Variants in AGBL3 observed in about 807,000 individuals in gnomAD.
AGBL3 encodes the protein cytosolic carboxypeptidase 3.
AGBL3 carries 68 observed loss-of-function variants against 94.5 expected under a neutral mutation model. The observed-to-expected ratio is 0.72, with a 90% CI of 0.59 to 0.88. AGBL3 has a LOEUF of 0.88. Among genes scored for constraint, AGBL3 ranks in the 40% least tolerant of loss-of-function variants. The probability of loss-of-function intolerance (pLI) is 0.00; values close to 1 mark genes in which losing one functional copy is unlikely to be tolerated. For synonymous variants in AGBL3, 354 were observed against 370.7 expected (o/e 0.95, Z 0.52); for missense variants, 934 against 1,103.8 (o/e 0.85, Z 2.18).
At chr7:135,060,553 T>C (rs984671447) in intron 12 of AGBL3, among the ~76,000 whole-genome samples, 7 of 152,122 alleles carry the variant, frequency 4.6e-5, no homozygotes, top group African/African-American at 7.2e-5. Context: ...GCTCAACCCA[T>C]ACCCCTTCAC....
chr7:135,018,088 A>T (rs2116236980), intron 5 of AGBL3, among the ~76,000 whole-genome samples: 1 of 152,312 alleles, frequency 6.6e-6, no homozygotes, highest in Non-Finnish European at 1.5e-5. Flanking sequence ...AATGAATTTT[A>T]AAAAGGGTAG....
intron 12 of AGBL3, among the ~76,000 whole-genome samples, chr7:135,069,467 A>T (rs1432228305): frequency 2.0e-5 from 3 of 152,204 alleles, no homozygotes; most frequent in African/African-American, 2.4e-5. Context: ...TTGACCACAT[A>T]GTTGGAAGTA....
At position 135,059,057 on chromosome 7, in the gene AGBL3, A is replaced by T. The variant is rs542814782; in HGVS notation, c.1842-112A>T. On this transcript the variant is annotated intron_variant, in intron 11 of 16. Transcript: ENST00000436302. The stretch of plus-strand genomic sequence containing the variant: ...CAGGCATGAGTCACTGCGCCCGGCC[A>T]CTTCTTATAATTAGAACTTTTCAAC... The T allele has an allele frequency of 3.5e-4, 304 of 858,330 alleles. 4 individuals are homozygous for T. In the African/African-American group the frequency reaches 4.5e-3, roughly 13 times the overall value. The allele number at this position is 858,330 out of a possible 1,614,324, so 53.2% of individuals were successfully genotyped here.
chr7:135,011,057 G>C (rs896080533), intron 4 of AGBL3: 2 of 152,088 alleles, frequency 1.3e-5, no homozygotes, highest in African/African-American at 4.8e-5. Context: ...CCTTAATAAA[G>C]TTATAGTAAT....
chr7:135,104,562 C>T (rs953417576), intron 15 of AGBL3, among the ~76,000 whole-genome samples: 2 of 152,090 alleles, frequency 1.3e-5, no homozygotes, highest in African/African-American at 4.8e-5. Flanking sequence ...TATAAGATTC[C>T]CTTTTTTCTG....
intron 16 of AGBL3, among the ~76,000 whole-genome samples, chr7:135,124,731 A>G (rs1258053232): frequency 6.6e-6 from 1 of 152,262 alleles, no homozygotes; most frequent in Non-Finnish European, 1.5e-5. Flanking sequence ...ATTACAACTC[A>G]GGATTAAAAA....
chr7:135,115,693 C>G, intron 16 of AGBL3, 82 bp downstream of exon 16: 1 of 1,176,896 alleles, frequency 8.5e-7, no homozygotes, highest in Non-Finnish European at 1.2e-6. Context: ...TATTATCCTA[C>G]GAAAAAAAAA....
intron 12 of AGBL3, among the ~76,000 whole-genome samples, chr7:135,064,797 C>G (rs1048532214): frequency 3.9e-5 from 6 of 152,144 alleles, no homozygotes; most frequent in Admixed American, 2.6e-4. Context: ...TATTAGGACT[C>G]TCTCCATTGC....
At chr7:135,011,840 C>G (rs1813198468) in intron 4 of AGBL3, 1 of 152,120 alleles carries the variant, frequency 6.6e-6, no homozygotes, top group Non-Finnish European at 1.5e-5. Flanking sequence ...TTGGTATAAT[C>G]ATTTTGGATG....
chr7:134,996,285 A>C (rs1249194166), intron 4 of AGBL3, among the ~76,000 whole-genome samples: 1 of 152,288 alleles, frequency 6.6e-6, no homozygotes, highest in Admixed American at 6.5e-5. Context: ...CCTCAAGGCA[A>C]AAGTTCCCAT....
chr7:135,017,080 GTA>G lies in AGBL3; in HGVS notation c.343_344del (p.Ile115ProfsTer23). Reference protein sequence around the residue: ...DWTPSCPEPVYIPTGLETEPL... With the variant: ...DWTPSCPEPVXIPTGLETEPL... ...GGACTCCTTCTTGTCCTGAGCCAGT[GTA>G]TATCCCAACGGGCTTAGAAACGGAA... is the stretch of plus-strand genomic sequence containing the variant. On this transcript the variant is annotated frameshift_variant, in exon 5 of 17. Transcript: ENST00000436302. LOFTEE classifies it high-confidence loss of function. 6.5e-7 allele frequency: 1 copy of G among 1,549,912 alleles called. No homozygotes were observed. Among genetic ancestry groups the G allele is most frequent in the Non-Finnish European group, 8.7e-7 (1 of 1,145,160 alleles).
At chr7:135,021,147 GACACTTC>G (rs1198652242) in intron 5 of AGBL3, among the ~76,000 whole-genome samples, 1 of 151,812 alleles carries the variant, frequency 6.6e-6, no homozygotes, top group African/African-American at 2.4e-5. Context: ...TCTATTTCTA[GACACTTC>G]ATTCTGTTCC....
At chr7:135,104,685 T>C (rs1357882176) in intron 15 of AGBL3, among the ~76,000 whole-genome samples, 6 of 152,224 alleles carry the variant, frequency 3.9e-5, no homozygotes, top group African/African-American at 7.2e-5. Flanking sequence ...ATCAGTGATA[T>C]TGAGCTTTAT....
At chr7:135,122,635 G>A (rs2117255702) in intron 16 of AGBL3, among the ~76,000 whole-genome samples, 1 of 152,284 alleles carries the variant, frequency 6.6e-6, no homozygotes, top group African/African-American at 2.4e-5. Context: ...AATACTGCTG[G>A]CATCAGGCTG....
At chr7:135,032,776 C>T (rs1815904544) in intron 5 of AGBL3, 68 bp from the exon 6 acceptor site, 4 of 1,409,226 alleles carry the variant, frequency 2.8e-6, no homozygotes, top group African/African-American at 2.9e-5. Context: ...TTGCTCCAAA[C>T]TCTGTGCAGA....
rs1023024910 is a variant in AGBL3 at position 135,135,638 on chromosome 7, T to C, written c.*377T>C. ...TGATTTTAACCTCCCTACTAGACAC[T>C]TTAATCAATTAGTCAACAAACATCA... On this transcript the variant is annotated 3_prime_UTR_variant, in exon 17 of 17. Transcript: ENST00000436302. 3 of 158,508 alleles carry C rather than the reference T, an allele frequency of 1.9e-5. No homozygotes were observed. Among genetic ancestry groups the C allele is most frequent in the Admixed American group, 6.3e-5 (1 of 15,812 alleles). The allele number at this position is 158,508 out of a possible 1,614,324, so 9.8% of individuals were successfully genotyped here. A position where few individuals can be genotyped will look rare whatever the true frequency, so the allele number is the denominator to read the frequency against.
intron 5 of AGBL3, among the ~76,000 whole-genome samples, chr7:135,030,976 G>C (rs1166383493): frequency 6.6e-6 from 1 of 151,846 alleles, no homozygotes; most frequent in Non-Finnish European, 1.5e-5. Context: ...AGTTATTGTA[G>C]TTTTATTTCT....
Position 135,005,548 on chromosome 7 carries a change from T to C in AGBL3, c.311-11504T>C, listed in dbSNP as rs561636131. Among the ~76,000 whole-genome samples the C allele has an allele frequency of 3.2e-4, 48 of 151,922 alleles. 1 individual carries two copies. Among genetic ancestry groups the C allele is most frequent in the African/African-American group, 1.1e-3 (44 of 41,538 alleles). On this transcript the variant is annotated intron_variant, in intron 4 of 16. Coordinates refer to ENST00000436302, the MANE Select transcript of AGBL3 (RefSeq NM_178563.4). ...ATGTCAACTCTCCCCAGTTGACATA[T>C]AGGTTTCAAGAAATTCCTATCAGGA...
intron 4 of AGBL3, among the ~76,000 whole-genome samples, chr7:134,998,891 C>A (rs1458997311): frequency 6.6e-6 from 1 of 152,114 alleles, no homozygotes; most frequent in Non-Finnish European, 1.5e-5. Flanking sequence ...TACCAGTGTC[C>A]TCCTCTATCC....
Sources: gnomAD v4.1 joint callset for allele counts (sites outside exome capture counted in the v4.1 genomes callset) on GRCh38, gnomAD v4.1.1 for gene constraint, MANE v1.5 for transcripts, NCBI Gene and HGNC (gene_info 2026-07-23, HGNC 2026-07-21) for gene names.